The following PATJ variants were observed in gnomAD, a reference collection of about 807,000 sequenced individuals.
PATJ encodes PATJ crumbs cell polarity complex component.
In PATJ, 190 loss-of-function variants were observed where a neutral mutation model predicts 224.9. The ratio of observed to expected loss-of-function variants is 0.84; its 90% confidence interval spans 0.75 to 0.95. The LOEUF (loss-of-function observed/expected upper bound fraction) is 0.95, where lower values mean the gene tolerates loss of function less well. Among genes scored for constraint, PATJ ranks in the 40% least tolerant of loss-of-function variants. The pLI is 0.00. For missense variants in PATJ, 2,121 were observed against 2,270.3 expected (o/e 0.93, Z 1.34); for synonymous variants, 769 against 820.3 (o/e 0.94, Z 1.07).
At chr1:62,084,971 G>A (rs1407405847) in intron 33 of PATJ, among the ~76,000 whole-genome samples, 1 of 151,820 alleles carries the variant, frequency 6.6e-6, no homozygotes, top group Non-Finnish European at 1.5e-5. Context: ...TACAAAAATT[G>A]TCTGGGTGGG....
At chr1:61,751,217 G>A (rs1645304665) in intron 1 of PATJ, among the ~76,000 whole-genome samples, 1 of 151,678 alleles carries the variant, frequency 6.6e-6, no homozygotes, top group African/African-American at 2.4e-5. Flanking sequence ...GGCCAGGCTG[G>A]TCTCAAACTC....
intron 16 of PATJ, chr1:61,833,429 C>A (rs1659671794): frequency 2.8e-6 from 1 of 353,524 alleles, no homozygotes. Context: ...ATAAAAAAAA[C>A]TGTATGAACA....
intron 34 of PATJ, 59 bp from the exon 35 acceptor site, chr1:62,113,994 A>G (rs1664156610): frequency 3.3e-6 from 5 of 1,504,102 alleles, no homozygotes; most frequent in Non-Finnish European, 3.6e-6. Flanking sequence ...GATTCAGCAG[A>G]CAGAGAAGGC....
chr1:62,076,800 C>T (rs899228241), intron 31 of PATJ, among the ~76,000 whole-genome samples: 6 of 152,126 alleles, frequency 3.9e-5, no homozygotes, highest in African/African-American at 9.7e-5. Context: ...AAGAACTCTG[C>T]GGCTTGCACC....
intron 23 of PATJ, among the ~76,000 whole-genome samples, chr1:61,900,589 T>G (rs1670995272): frequency 6.6e-6 from 1 of 151,980 alleles, no homozygotes; most frequent in Non-Finnish European, 1.5e-5. Context: ...CTTTCTTTTC[T>G]TTTCTTTTCT....
At chr1:61,799,490 T>G (rs975731186) in intron 11 of PATJ, among the ~76,000 whole-genome samples, 3 of 152,236 alleles carry the variant, frequency 2.0e-5, no homozygotes, top group Non-Finnish European at 4.4e-5. Context: ...CCACCACGCC[T>G]GGCACAAATG....
At chr1:61,963,003 T>C (rs1003290140) in intron 27 of PATJ, among the ~76,000 whole-genome samples, 1 of 152,226 alleles carries the variant, frequency 6.6e-6, no homozygotes, top group Non-Finnish European at 1.5e-5. Context: ...AGAGTTTAGT[T>C]ACACAAATAG....
chr1:61,989,221 A>T (rs1453573360), intron 27 of PATJ, among the ~76,000 whole-genome samples: 1 of 152,224 alleles, frequency 6.6e-6, no homozygotes, highest in Non-Finnish European at 1.5e-5. Context: ...ATGGAATAAG[A>T]GAAGTATAGA....
chr1:61,761,239 AG>A (rs1429480379), intron 1 of PATJ, among the ~76,000 whole-genome samples: 1 of 152,038 alleles, frequency 6.6e-6, no homozygotes, highest in Non-Finnish European at 1.5e-5. Flanking sequence ...GGCCTCCTAA[AG>A]TACTGGGATC....
chr1:61,906,076 C>A (rs1229332119), intron 24 of PATJ, among the ~76,000 whole-genome samples: 1 of 152,180 alleles, frequency 6.6e-6, no homozygotes, highest in Non-Finnish European at 1.5e-5. Flanking sequence ...AGGGTTCCCA[C>A]ATCCCTCCCC....
At chr1:61,914,451 C>T (rs1279566898) in intron 25 of PATJ, 136 bp from the exon 26 acceptor site, 6 of 455,792 alleles carry the variant, frequency 1.3e-5, no homozygotes, top group East Asian at 7.9e-5. Flanking sequence ...AGCGAATCTC[C>T]ATCTCAGAAA....
At chr1:61,914,501 C>A in intron 25 of PATJ, 86 bp from the exon 26 acceptor site, 1 of 620,464 alleles carries the variant, frequency 1.6e-6, no homozygotes, top group South Asian at 2.0e-5. Context: ...AAAAAATTCT[C>A]CATTGTGGAA....
At chr1:61,989,273 G>A (rs1644933429) in intron 27 of PATJ, among the ~76,000 whole-genome samples, 1 of 152,126 alleles carries the variant, frequency 6.6e-6, no homozygotes, top group African/African-American at 2.4e-5. Flanking sequence ...CAACATGTAT[G>A]TTGTTTAATT....
At chr1:61,883,535 A>C (rs1190594329) in intron 21 of PATJ, among the ~76,000 whole-genome samples, 1 of 152,120 alleles carries the variant, frequency 6.6e-6, no homozygotes, top group Non-Finnish European at 1.5e-5. Context: ...GGATCACCTG[A>C]GGTCAGGAGT....
Position 61,911,498 on chromosome 1 carries a change from A to G in PATJ, c.3492+3016A>G, listed in dbSNP as rs372861572. ...AAGTGAGCCACCGCACCTAGCCACC[A>G]ATACACCTTTTAAATCTTCTTACCC... On this transcript the variant is annotated intron_variant, in intron 25 of 43. Transcript: ENST00000642238. Among the ~76,000 whole-genome samples, 52 of 151,978 alleles carry G rather than the reference A, an allele frequency of 3.4e-4. 1 individual carries two copies. In the East Asian group the frequency reaches 8.1e-3, roughly 24 times the overall value.
At chr1:62,051,269 G>T (rs1158374551) in intron 31 of PATJ, among the ~76,000 whole-genome samples, 1 of 152,114 alleles carries the variant, frequency 6.6e-6, no homozygotes, top group Non-Finnish European at 1.5e-5. Flanking sequence ...TGTGCTGTCT[G>T]GGATTAAGGA....
At chr1:62,076,116 AGTTTT>A (rs1028184705) in intron 31 of PATJ, among the ~76,000 whole-genome samples, 1 of 152,120 alleles carries the variant, frequency 6.6e-6, no homozygotes, top group Non-Finnish European at 1.5e-5. Flanking sequence ...ATCCCAGGCA[AGTTTT>A]GTTTTGTTTT....
At chr1:62,019,319 C>G (rs894448935) in intron 29 of PATJ, among the ~76,000 whole-genome samples, 2 of 149,938 alleles carry the variant, frequency 1.3e-5, no homozygotes, top group African/African-American at 4.9e-5. Context: ...GTCAGGAGTG[C>G]GAGACCAGCC....
chr1:62,131,422 T>A (rs1666251243), intron 41 of PATJ, among the ~76,000 whole-genome samples: 1 of 152,170 alleles, frequency 6.6e-6, no homozygotes, highest in South Asian at 2.1e-4. Flanking sequence ...TAGCAAAATC[T>A]AGTATTATTG....
Sources: allele counts gnomAD v4.1 joint callset (sites outside exome capture counted in the v4.1 genomes callset), GRCh38; gene constraint gnomAD v4.1.1; transcripts MANE v1.5; gene names NCBI Gene and HGNC (gene_info 2026-07-23, HGNC 2026-07-21).